Variants in NTM observed in about 807,000 individuals in gnomAD.
NTM encodes the protein IgLON family member 2.
In NTM, 13 loss-of-function variants were observed where a neutral mutation model predicts 42.1. The observed-to-expected ratio is 0.31, with a 90% CI of 0.20 to 0.49. NTM has a LOEUF of 0.49. Ranked by LOEUF, NTM falls within the 20% of genes least tolerant of loss-of-function variation. NTM has a pLI of 0.99. For missense variants in NTM, 373 were observed against 452.8 expected (o/e 0.82, Z 1.60); for synonymous variants, 187 against 179.2 (o/e 1.04, Z -0.35).
intron 1 of NTM, among the ~76,000 whole-genome samples, chr11:131,393,014 C>A (rs1411569353): frequency 1.3e-5 from 2 of 152,134 alleles, no homozygotes; most frequent in Non-Finnish European, 2.9e-5. Context: ...AGGCCTAGGG[C>A]ATCCTCATCT....
At chr11:131,688,850 G>C (rs1033488316) in intron 1 of NTM, among the ~76,000 whole-genome samples, 2 of 152,206 alleles carry the variant, frequency 1.3e-5, no homozygotes, top group Non-Finnish European at 2.9e-5. Flanking sequence ...GCAGACCAAT[G>C]GGCAGGTGTC....
At chr11:132,030,945 C>T (rs977583111) in intron 2 of NTM, among the ~76,000 whole-genome samples, 2 of 152,174 alleles carry the variant, frequency 1.3e-5, no homozygotes, top group African/African-American at 4.8e-5. Flanking sequence ...GCTCAGGCTT[C>T]TTCCACATAT....
At chr11:131,764,512 T>C (rs1415804856) in intron 1 of NTM, among the ~76,000 whole-genome samples, 1 of 152,206 alleles carries the variant, frequency 6.6e-6, no homozygotes, top group African/African-American at 2.4e-5. Flanking sequence ...GCATGGGGTT[T>C]GGATTCCAAC....
chr11:131,423,770 C>T (rs531969356), intron 1 of NTM, among the ~76,000 whole-genome samples: 1 of 152,242 alleles, frequency 6.6e-6, no homozygotes, highest in East Asian at 1.9e-4. Context: ...AACTGACTTG[C>T]AGGTAATAAA....
intron 6 of NTM, among the ~76,000 whole-genome samples, chr11:132,313,244 C>T (rs1248413907): frequency 6.6e-6 from 1 of 152,010 alleles, no homozygotes; most frequent in Non-Finnish European, 1.5e-5. Flanking sequence ...TATACTGATG[C>T]CATTGTGCGG....
intron 7 of NTM, among the ~76,000 whole-genome samples, chr11:132,322,955 G>T (rs1465854474): frequency 2.1e-5 from 3 of 141,520 alleles, no homozygotes; most frequent in Non-Finnish European, 3.1e-5. Flanking sequence ...AATGAAGGCA[G>T]AAATAAAGAT....
At chr11:132,318,450 T>TCA (rs1355521198) in intron 7 of NTM, among the ~76,000 whole-genome samples, 1 of 152,088 alleles carries the variant, frequency 6.6e-6, no homozygotes, top group Non-Finnish European at 1.5e-5. Flanking sequence ...AGGGGGTCCT[T>TCA]CACTCATTTC....
chr11:131,522,135 T>C (rs879521497), intron 1 of NTM, among the ~76,000 whole-genome samples: 9 of 152,176 alleles, frequency 5.9e-5, no homozygotes, highest in Non-Finnish European at 1.0e-4. Flanking sequence ...TCAACGTATG[T>C]TAATTTACTG....
At chr11:131,972,274 T>C (rs2134711272) in intron 2 of NTM, among the ~76,000 whole-genome samples, 1 of 152,154 alleles carries the variant, frequency 6.6e-6, no homozygotes, top group East Asian at 1.9e-4. Flanking sequence ...TCATAGGGAT[T>C]TACTAAAACT....
intron 2 of NTM, among the ~76,000 whole-genome samples, chr11:131,920,913 G>A (rs912887348): frequency 6.6e-6 from 1 of 152,032 alleles, no homozygotes; most frequent in Non-Finnish European, 1.5e-5. Context: ...GCTTTCAAAC[G>A]GCCTCTAATG....
intron 1 of NTM, chr11:131,771,032 C>T (rs2085999983): frequency 6.6e-6 from 1 of 152,102 alleles, no homozygotes; most frequent in South Asian, 2.1e-4. Context: ...CAAGAAAAGT[C>T]CTCTAAGCAT....
At chr11:131,463,168 A>T (rs958444964) in intron 1 of NTM, among the ~76,000 whole-genome samples, 1 of 152,262 alleles carries the variant, frequency 6.6e-6, no homozygotes, top group Non-Finnish European at 1.5e-5. Context: ...GCAACATTCC[A>T]TCCTATTGCC....
intron 2 of NTM, among the ~76,000 whole-genome samples, chr11:131,925,317 CA>C (rs2057788534): frequency 6.7e-6 from 1 of 148,576 alleles, no homozygotes; most frequent in African/African-American, 2.5e-5. Context: ...GGCTTGTTCT[CA>C]AAAATGTTAA....
intron 1 of NTM, among the ~76,000 whole-genome samples, chr11:131,378,938 A>T (rs950060966): frequency 1.3e-5 from 2 of 152,206 alleles, no homozygotes; most frequent in Non-Finnish European, 2.9e-5. Flanking sequence ...GGTAGAAGTG[A>T]TGCTGGCTCC....
intron 1 of NTM, among the ~76,000 whole-genome samples, chr11:131,513,377 G>A (rs1408173433): frequency 6.6e-6 from 1 of 152,090 alleles, no homozygotes; most frequent in Non-Finnish European, 1.5e-5. Context: ...AGGCACCCAA[G>A]AGGTCCACAG....
chr11:132,247,798 C>T (rs766072630), intron 4 of NTM, among the ~76,000 whole-genome samples: 34 of 152,170 alleles, frequency 2.2e-4, no homozygotes, highest in Admixed American at 9.8e-4. Context: ...CTTTCTCTAT[C>T]CCTGTCTCTT....
chr11:131,411,114 C>T (rs921803650), intron 1 of NTM, among the ~76,000 whole-genome samples: 2 of 152,158 alleles, frequency 1.3e-5, no homozygotes, highest in Non-Finnish European at 1.5e-5. Context: ...AATCCCTCCT[C>T]GATCATTAAA....
chr11:132,278,578 G>A (rs2093826937), intron 4 of NTM, among the ~76,000 whole-genome samples: 1 of 152,118 alleles, frequency 6.6e-6, no homozygotes, highest in Non-Finnish European at 1.5e-5. Flanking sequence ...TGGAATGCAA[G>A]GGTGCAGGGT....
chr11:131,407,430 C>T (rs1945917042), intron 1 of NTM, among the ~76,000 whole-genome samples: 1 of 152,196 alleles, frequency 6.6e-6, no homozygotes, highest in Non-Finnish European at 1.5e-5. Context: ...TATTTTATAG[C>T]AGCATCCAGT....
Sources: allele counts gnomAD v4.1 joint callset (sites outside exome capture counted in the v4.1 genomes callset), GRCh38; gene constraint gnomAD v4.1.1; transcripts MANE v1.5; gene names NCBI Gene and HGNC (gene_info 2026-07-23, HGNC 2026-07-21).